GRIA1: variants seen among roughly 807,000 people sequenced by gnomAD.
GRIA1 encodes glutamate receptor 1.
A neutral mutation model predicts 99.2 loss-of-function variants in GRIA1; 31 were observed. That is an observed-to-expected ratio of 0.31 (90% confidence interval 0.23 to 0.42). GRIA1 has a LOEUF of 0.42. Among genes scored for constraint, GRIA1 ranks in the 10% least tolerant of loss-of-function variants. The probability of loss-of-function intolerance (pLI) is 1.00; values close to 1 mark genes in which losing one functional copy is unlikely to be tolerated. For synonymous variants in GRIA1, 438 were observed against 432.4 expected, an observed-to-expected ratio of 1.01 and a Z score of -0.16; for missense variants, 782 against 1,157.5, an observed-to-expected ratio of 0.68 and a Z score of 4.71.
chr5:153,646,805 A>C, intron 2 of GRIA1, 123 bp from the exon 3 acceptor site: 1 of 1,030,782 alleles, frequency 9.7e-7, no homozygotes, highest in South Asian at 1.5e-5. Context: ...GGGTAGATGG[A>C]TAGATGACAG....
chr5:153,651,746 C>T (rs115167103), intron 4 of GRIA1, among the ~76,000 whole-genome samples: 2,333 of 152,254 alleles, frequency 0.015, 62 homozygotes, highest in African/African-American at 0.051. Flanking sequence ...CAAATTTGGC[C>T]TTCCCTCTTG....
chr5:153,594,431 C>A (rs2149389742), intron 2 of GRIA1, among the ~76,000 whole-genome samples: 1 of 152,084 alleles, frequency 6.6e-6, no homozygotes, highest in Middle Eastern at 3.4e-3. Context: ...GTATTTTTGT[C>A]AACTAATATA....
chr5:153,565,521 A>G (rs1761536318), intron 2 of GRIA1, among the ~76,000 whole-genome samples: 3 of 152,328 alleles, frequency 2.0e-5, no homozygotes, highest in East Asian at 3.9e-4. Context: ...TCACAGATAT[A>G]TACATTCATC....
chr5:153,598,233 A>T (rs2149393812), intron 2 of GRIA1, among the ~76,000 whole-genome samples: 1 of 152,160 alleles, frequency 6.6e-6, no homozygotes, highest in Non-Finnish European at 1.5e-5. Context: ...TACTCAAACT[A>T]CTTGGGGGAG....
intron 11 of GRIA1, among the ~76,000 whole-genome samples, chr5:153,757,510 A>G (rs556263145): frequency 6.6e-6 from 1 of 152,338 alleles, no homozygotes; most frequent in South Asian, 2.1e-4. Context: ...TCAAATTTTC[A>G]AAGATCAAGG....
intron 2 of GRIA1, among the ~76,000 whole-genome samples, chr5:153,556,243 G>T (rs7731586): frequency 0.47 from 70,859 of 151,880 alleles, 18,276 homozygotes; most frequent in Non-Finnish European, 0.59. Flanking sequence ...GTGTGGGGGC[G>T]AAAGTTGGTC....
intron 2 of GRIA1, among the ~76,000 whole-genome samples, chr5:153,571,918 A>G (rs928517949): frequency 2.0e-5 from 3 of 152,054 alleles, no homozygotes; most frequent in African/African-American, 7.2e-5. Flanking sequence ...CCTTGCTTTT[A>G]GGCTACCTTG....
chr5:153,560,515 T>A (rs1008648574), intron 2 of GRIA1, among the ~76,000 whole-genome samples: 2 of 152,212 alleles, frequency 1.3e-5, no homozygotes, highest in African/African-American at 4.8e-5. Context: ...TTTTCCGTGC[T>A]GTCCTCGTGA....
intron 7 of GRIA1, 110 bp from the exon 8 acceptor site, chr5:153,686,115 C>T (rs1057076100): frequency 7.1e-5 from 57 of 802,822 alleles, no homozygotes; most frequent in South Asian, 4.1e-4. Context: ...TACTCCAAGA[C>T]ATCATTCCAT....
At chr5:153,696,738 T>C (rs1265370116) in intron 8 of GRIA1, among the ~76,000 whole-genome samples, 1 of 152,186 alleles carries the variant, frequency 6.6e-6, no homozygotes, top group African/African-American at 2.4e-5. Flanking sequence ...TTCTCTTTCC[T>C]TTTTCCTTTG....
chr5:153,518,847 A>C (rs1756868269), intron 2 of GRIA1, among the ~76,000 whole-genome samples: 1 of 152,202 alleles, frequency 6.6e-6, no homozygotes, highest in African/African-American at 2.4e-5. Flanking sequence ...TAAGTGGCTG[A>C]GTGAATTCAG....
chr5:153,510,960 T>A (rs1293177787), intron 2 of GRIA1, among the ~76,000 whole-genome samples: 1 of 152,164 alleles, frequency 6.6e-6, no homozygotes, highest in East Asian at 1.9e-4. Context: ...GGTTGCATGG[T>A]TATAAATTTA....
intron 12 of GRIA1, among the ~76,000 whole-genome samples, chr5:153,767,147 T>C (rs990717298): frequency 5.3e-5 from 8 of 151,988 alleles, no homozygotes; most frequent in Non-Finnish European, 1.2e-4. Flanking sequence ...AAGTAAAACC[T>C]GAAAAAAAAG....
intron 1 of GRIA1, 71 bp downstream of exon 1, chr5:153,491,041 T>G: frequency 7.4e-7 from 1 of 1,355,846 alleles, no homozygotes; most frequent in Non-Finnish European, 1.1e-6. Context: ...ATAGGGGTTG[T>G]GTACCCCCTC....
chr5:153,537,427 C>A (rs2113468892), intron 2 of GRIA1, among the ~76,000 whole-genome samples: 1 of 152,228 alleles, frequency 6.6e-6, no homozygotes, highest in African/African-American at 2.4e-5. Flanking sequence ...ATGTCCCTGG[C>A]TCTCCCTCTC....
chr5:153,539,477 C>T (rs1219788025), intron 2 of GRIA1, among the ~76,000 whole-genome samples: 1 of 152,178 alleles, frequency 6.6e-6, no homozygotes, highest in African/African-American at 2.4e-5. Flanking sequence ...TTGTTTAATG[C>T]CATTCTCACA....
chr5:153,810,251 G>A (rs1766725006), intron 15 of GRIA1, among the ~76,000 whole-genome samples: 1 of 152,212 alleles, frequency 6.6e-6, no homozygotes, highest in Admixed American at 6.5e-5. Flanking sequence ...TGGAAGTACA[G>A]GGTCTACATG....
chr5:153,523,519 T>TTTA lies in GRIA1; in HGVS notation c.220+29456_220+29457insATT, dbSNP rs1554093108. ...CTCAGACTGCTTTGAACATTTTTTT[T>TTTA]TTTATTTATGCTTATGTTGTTACTG... On this transcript the variant is annotated intron_variant, in intron 2 of 15. Transcript: ENST00000285900. Among the ~76,000 whole-genome samples the TTTA allele has an allele frequency of 5.9e-5, 9 of 151,924 alleles. No individual in the cohort carries two copies. The South Asian group carries it at 6.2e-4, about 11-fold the overall frequency.
intron 2 of GRIA1, among the ~76,000 whole-genome samples, chr5:153,520,407 C>T (rs1757032050): frequency 6.6e-6 from 1 of 152,158 alleles, no homozygotes; most frequent in Admixed American, 6.6e-5. Context: ...TCAAAAGTTG[C>T]CAGATTCAAG....
Sources: gnomAD v4.1 joint callset for allele counts (sites outside exome capture counted in the v4.1 genomes callset) on GRCh38, gnomAD v4.1.1 for gene constraint, MANE v1.5 for transcripts, NCBI Gene and HGNC (gene_info 2026-07-23, HGNC 2026-07-21) for gene names.